The following ERAP1 variants were observed in gnomAD, a reference collection of about 807,000 sequenced individuals.
ERAP1 encodes the protein endoplasmic reticulum aminopeptidase 1, also known as adipocyte-derived leucine aminopeptidase.
In ERAP1, 86 loss-of-function variants were observed where a neutral mutation model predicts 103.7. The observed-to-expected ratio is 0.83, with a 90% CI of 0.70 to 0.99. The LOEUF (loss-of-function observed/expected upper bound fraction) is 0.99, where lower values mean the gene tolerates loss of function less well. ERAP1 is among the 50% of genes least tolerant of loss of function. ERAP1 has a pLI of 0.00. For synonymous variants in ERAP1, 398 were observed against 402.4 expected (o/e 0.99, Z 0.13); for missense variants, 1,009 against 1,128.4 (o/e 0.89, Z 1.52).
the ERAP1 span, among the ~76,000 whole-genome samples, chr5:96,863,277 C>T: frequency 0.031 from 4,701 of 152,058 alleles, 89 homozygotes; most frequent in South Asian, 0.057. Context: ...GCTGCAGAGC[C>T]TCTACACCAG....
At chr5:96,788,444 T>A (rs1776342748) in intron 11 of ERAP1, 87 bp downstream of exon 11, 2 of 1,487,642 alleles carry the variant, frequency 1.3e-6, no homozygotes, top group Non-Finnish European at 1.9e-6. Flanking sequence ...GCAATAGTGG[T>A]AAGGGCATTA....
the ERAP1 span, among the ~76,000 whole-genome samples, chr5:96,854,970 A>C: frequency 6.6e-6 from 1 of 151,752 alleles, no homozygotes; most frequent in Non-Finnish European, 1.5e-5. Flanking sequence ...AAAATCTAGC[A>C]GTTTTTCAAA....
the ERAP1 span, among the ~76,000 whole-genome samples, chr5:96,815,492 A>G: frequency 1.3e-5 from 2 of 148,488 alleles, no homozygotes; most frequent in African/African-American, 5.0e-5. Context: ...GCTCACAGCA[A>G]CCTCTGCCTC....
At chr5:96,933,266 G>A in the ERAP1 span, among the ~76,000 whole-genome samples, 1 of 134,152 alleles carries the variant, frequency 7.5e-6, no homozygotes, top group Non-Finnish European at 1.5e-5. Context: ...CGCCCAGGCT[G>A]GAGTGCAGTG....
chr5:96,917,131 C>T, the ERAP1 span, among the ~76,000 whole-genome samples: 1 of 152,012 alleles, frequency 6.6e-6, no homozygotes, highest in East Asian at 1.9e-4. Flanking sequence ...ATTTTTGAAA[C>T]TGCCTCGCTC....
chr5:96,901,649 G>A, the ERAP1 span: 12 of 1,613,586 alleles, frequency 7.4e-6, no homozygotes, highest in African/African-American at 2.7e-5. Context: ...GGGTTTTCCA[G>A]GAAGACCCTG....
chr5:96,915,996 G>A, the ERAP1 span: 10 of 357,632 alleles, frequency 2.8e-5, no homozygotes, highest in Non-Finnish European at 3.5e-5. Context: ...GCCAAGGCAG[G>A]TAGATCATGG....
chr5:96,781,293 C>G (rs1775132556), intron 16 of ERAP1, 95 bp from the exon 17 acceptor site: 14 of 1,297,714 alleles, frequency 1.1e-5, no homozygotes, highest in Non-Finnish European at 1.3e-5. Context: ...AAAAAAAAGT[C>G]TGCCAGTAAC....
the ERAP1 span, among the ~76,000 whole-genome samples, chr5:96,874,197 GAAAGA>G: frequency 2.1e-5 from 3 of 145,526 alleles, no homozygotes; most frequent in African/African-American, 5.1e-5. Flanking sequence ...AGAGAAAGAA[GAAAGA>G]AAAGAAAAGT....
intron 10 of ERAP1, among the ~76,000 whole-genome samples, chr5:96,789,980 A>G (rs1395462316): frequency 6.6e-6 from 1 of 152,232 alleles, no homozygotes; most frequent in Non-Finnish European, 1.5e-5. Flanking sequence ...AATGACTGAC[A>G]TATCCTTTTG....
At chr5:96,833,713 G>T in the ERAP1 span, among the ~76,000 whole-genome samples, 3 of 151,578 alleles carry the variant, frequency 2.0e-5, no homozygotes, top group South Asian at 2.1e-4. Flanking sequence ...CAGGGGAATC[G>T]CTTGAACCCG....
the ERAP1 span, chr5:96,895,452 C>T: frequency 2.8e-5 from 25 of 908,206 alleles, no homozygotes; most frequent in Admixed American, 5.4e-4. Context: ...AGAAAAACTA[C>T]ATAATGTTGT....
the ERAP1 span, among the ~76,000 whole-genome samples, chr5:96,851,007 A>G: frequency 5.9e-5 from 9 of 152,148 alleles, no homozygotes; most frequent in African/African-American, 2.2e-4. Flanking sequence ...GAGTTAGAAA[A>G]TATTTTGACA....
chr5:96,885,937 C>G, the ERAP1 span, among the ~76,000 whole-genome samples: 11 of 152,214 alleles, frequency 7.2e-5, no homozygotes, highest in African/African-American at 2.7e-4. Flanking sequence ...TGGACAGAAG[C>G]TTAAATTACT....
At chr5:96,917,463 T>C in the ERAP1 span, 1 of 1,609,846 alleles carries the variant, frequency 6.2e-7, no homozygotes, top group African/African-American at 1.3e-5. Flanking sequence ...ATTTTACAGG[T>C]GAAACTATTT....
downstream of ERAP1, chr5:96,773,301 G>GA (rs1773122555): frequency 6.5e-6 from 1 of 153,388 alleles, no homozygotes; most frequent in African/African-American, 2.4e-5. Context: ...AGTCAGCACA[G>GA]AACACACTGA....
the ERAP1 span, chr5:96,884,075 T>TATCTATCC: frequency 1.7e-6 from 1 of 601,470 alleles, no homozygotes; most frequent in East Asian, 3.3e-5. Context: ...TCTATCTATC[T>TATCTATCC]ATCTATCATC....
chr5:96,903,306 A>C, the ERAP1 span: 1 of 1,197,096 alleles, frequency 8.4e-7, no homozygotes, highest in African/African-American at 1.5e-5. Flanking sequence ...TTGATTAAAA[A>C]TAACAGTTCT....
chr5:96,821,182 G>A, the ERAP1 span, among the ~76,000 whole-genome samples: 157 of 152,048 alleles, frequency 1.0e-3, 1 homozygote, highest in African/African-American at 3.5e-3. Context: ...GACCTTCAGC[G>A]GATTGGATGA....
Sources: allele counts gnomAD v4.1 joint callset (sites outside exome capture counted in the v4.1 genomes callset), GRCh38; gene constraint gnomAD v4.1.1; transcripts MANE v1.5; gene names NCBI Gene and HGNC (gene_info 2026-07-23, HGNC 2026-07-21).